The following PDE4D variants were observed in gnomAD, a reference collection of about 807,000 sequenced individuals.
PDE4D encodes 3',5'-cyclic-AMP phosphodiesterase 4D.
A neutral mutation model predicts 87.4 loss-of-function variants in PDE4D; 24 were observed. The ratio of observed to expected loss-of-function variants is 0.27; its 90% CI spans 0.20 to 0.39. PDE4D has a LOEUF of 0.39. PDE4D is among the 10% of genes least tolerant of loss of function. PDE4D has a pLI of 1.00. For missense variants in PDE4D, 714 were observed against 1,041.0 expected (o/e 0.69, Z 4.32); for synonymous variants, 384 against 383.2 (o/e 1.00, Z -0.02).
chr5:59,381,135 C>T (rs1017993086), intron 1 of PDE4D, among the ~76,000 whole-genome samples: 1 of 152,140 alleles, frequency 6.6e-6, no homozygotes, highest in African/African-American at 2.4e-5. Context: ...CCATCAACCC[C>T]CGGAATACTA....
chr5:59,117,951 G>A (rs1773889674), intron 5 of PDE4D, among the ~76,000 whole-genome samples: 1 of 152,006 alleles, frequency 6.6e-6, no homozygotes, highest in Non-Finnish European at 1.5e-5. Context: ...TAGCTTTCCA[G>A]TATAAATTCA....
chr5:59,795,919 A>C (rs1231849577), intron 1 of PDE4D, among the ~76,000 whole-genome samples: 2 of 152,222 alleles, frequency 1.3e-5, no homozygotes, highest in Non-Finnish European at 2.9e-5. Context: ...ACACATATGC[A>C]GGAGGAAGGC....
chr5:59,711,989 T>C (rs184924696), intron 1 of PDE4D, among the ~76,000 whole-genome samples: 1 of 152,252 alleles, frequency 6.6e-6, no homozygotes, highest in East Asian at 1.9e-4. Flanking sequence ...CCAATTACAT[T>C]ATAAAAATCA....
At chr5:59,145,631 A>G (rs1778529673) in intron 5 of PDE4D, among the ~76,000 whole-genome samples, 1 of 152,158 alleles carries the variant, frequency 6.6e-6, no homozygotes, top group Non-Finnish European at 1.5e-5. Flanking sequence ...CGGAATTGCA[A>G]AGGGTATCCC....
At chr5:59,127,629 C>T (rs1434181698) in intron 5 of PDE4D, among the ~76,000 whole-genome samples, 1 of 142,702 alleles carries the variant, frequency 7.0e-6, no homozygotes, top group Non-Finnish European at 1.6e-5. Context: ...CACCTCACCC[C>T]CCACACTCCA....
chr5:59,777,459 C>T (rs542417668), intron 1 of PDE4D, among the ~76,000 whole-genome samples: 71 of 152,272 alleles, frequency 4.7e-4, no homozygotes, highest in African/African-American at 1.6e-3. Flanking sequence ...ATAAAGGCAA[C>T]TGAAGGCCAG....
chr5:60,374,264 T>C (rs936980456), intron 1 of PDE4D, among the ~76,000 whole-genome samples: 1 of 152,056 alleles, frequency 6.6e-6, no homozygotes, highest in Non-Finnish European at 1.5e-5. Context: ...TAAATTCCAA[T>C]GGACACTTTT....
Position 59,639,161 on chromosome 5 carries a change from A to G in PDE4D, c.455+254007T>C, listed in dbSNP as rs72769751. Among the ~76,000 whole-genome samples, 888 of 152,278 alleles carry G rather than the reference A, an allele frequency of 5.8e-3. 3 individuals are homozygous for G. The highest frequency in any genetic ancestry group is 0.01 in the Non-Finnish European group (686 of 68,020). ...CAAATTATTATACATCTATAATACCAATGTAATGACTATTGTGTATAGTCT... is the reference window on the plus strand; with the variant it reads ...CAAATTATTATACATCTATAATACCGATGTAATGACTATTGTGTATAGTCT... On this transcript the variant is annotated intron_variant, in intron 1 of 14. Coordinates refer to ENST00000340635, the MANE Select transcript of PDE4D (RefSeq NM_001104631.2).
chr5:59,389,330 TG>T (rs1026652318), intron 1 of PDE4D, among the ~76,000 whole-genome samples: 16 of 143,026 alleles, frequency 1.1e-4, no homozygotes, highest in Non-Finnish European at 2.4e-4. Context: ...AAAAGTAAAT[TG>T]TAAATATTAC....
chr5:59,639,623 T>C (rs1741197981), intron 1 of PDE4D, among the ~76,000 whole-genome samples: 2 of 152,092 alleles, frequency 1.3e-5, no homozygotes, highest in Admixed American at 1.3e-4. Context: ...ACATAATGAA[T>C]TTCAAATTGA....
chr5:59,390,832 C>CT (rs560443272), intron 1 of PDE4D, among the ~76,000 whole-genome samples: 1 of 152,106 alleles, frequency 6.6e-6, no homozygotes, highest in South Asian at 2.1e-4. Flanking sequence ...TTAGATAAGG[C>CT]TAGATGAGTT....
intron 1 of PDE4D, among the ~76,000 whole-genome samples, chr5:59,386,332 G>A (rs1380292020): frequency 3.3e-5 from 5 of 152,136 alleles, no homozygotes; most frequent in Admixed American, 2.0e-4. Flanking sequence ...AAAAAGACTA[G>A]AGAGTCAAAT....
chr5:59,060,513 C>A (rs1283423506), intron 5 of PDE4D, among the ~76,000 whole-genome samples: 1 of 152,064 alleles, frequency 6.6e-6, no homozygotes, highest in Non-Finnish European at 1.5e-5. Context: ...ATAAACATCT[C>A]AAATTTAACA....
chr5:60,231,960 A>C (rs1414327926), intron 1 of PDE4D, among the ~76,000 whole-genome samples: 1 of 151,960 alleles, frequency 6.6e-6, no homozygotes, highest in Admixed American at 6.6e-5. Context: ...CTGACATAGT[A>C]TAGAGGGAGG....
chr5:60,106,754 G>T (rs958970468), intron 2 of PDE4D, among the ~76,000 whole-genome samples: 3 of 152,088 alleles, frequency 2.0e-5, no homozygotes, highest in Non-Finnish European at 2.9e-5. Flanking sequence ...GCTCCTGAAT[G>T]ACTACTGGGT....
chr5:59,267,793 A>C (rs1487171114), intron 1 of PDE4D, among the ~76,000 whole-genome samples: 1 of 152,112 alleles, frequency 6.6e-6, no homozygotes, highest in Non-Finnish European at 1.5e-5. Flanking sequence ...TGGAAGATGC[A>C]ATCCTTGGTG....
intron 5 of PDE4D, among the ~76,000 whole-genome samples, chr5:59,062,884 A>G (rs1318649008): frequency 1.3e-5 from 2 of 151,886 alleles, no homozygotes; most frequent in Non-Finnish European, 2.9e-5. Context: ...ATAGGCTCAC[A>G]TAAGTGACAC....
intron 1 of PDE4D, among the ~76,000 whole-genome samples, chr5:59,409,767 T>C (rs1429389774): frequency 1.3e-5 from 2 of 151,676 alleles, no homozygotes; most frequent in Non-Finnish European, 2.9e-5. Flanking sequence ...GGTATTTCTT[T>C]ATAGCAACGC....
chr5:60,099,683 C>A (rs553430069), intron 2 of PDE4D, among the ~76,000 whole-genome samples: 1 of 151,408 alleles, frequency 6.6e-6, no homozygotes, highest in East Asian at 2.0e-4. Flanking sequence ...AAAATGAAAA[C>A]AAGTATATCA....
Sources: gnomAD v4.1 joint callset for allele counts (sites outside exome capture counted in the v4.1 genomes callset) on GRCh38, gnomAD v4.1.1 for gene constraint, MANE v1.5 for transcripts, NCBI Gene and HGNC (gene_info 2026-07-23, HGNC 2026-07-21) for gene names.